Variants in COX5A observed in about 807,000 individuals in gnomAD.
The protein encoded by COX5A is cytochrome c oxidase subunit 5A.
In COX5A, 6 loss-of-function variants were observed where a neutral mutation model predicts 16.1. The ratio of observed to expected loss-of-function variants is 0.37; its 90% CI spans 0.20 to 0.73. COX5A has a LOEUF of 0.73. COX5A is among the 30% of genes least tolerant of loss of function. The pLI, the probability that COX5A is intolerant of heterozygous loss-of-function variation, is 0.50. For missense variants in COX5A, 159 were observed against 194.9 expected, an observed-to-expected ratio of 0.82 and a Z score of 1.10; for synonymous variants, 73 against 73.8, an observed-to-expected ratio of 0.99 and a Z score of 0.06.
At chr15:74,926,059 A>G (rs2065341779) in intron 3 of COX5A, among the ~76,000 whole-genome samples, 1 of 84,462 alleles carries the variant, frequency 1.2e-5, no homozygotes, top group Non-Finnish European at 2.2e-5. Flanking sequence ...TTTTTTTTTG[A>G]GACAGAGTCT....
chr15:74,925,870 C>G (rs1191901380), intron 3 of COX5A, among the ~76,000 whole-genome samples: 1 of 140,696 alleles, frequency 7.1e-6, no homozygotes, highest in Non-Finnish European at 1.6e-5. Context: ...AAATTCCTTT[C>G]TTTTTTTTTT....
At chr15:74,921,128 C>G (rs964889133) in intron 4 of COX5A, among the ~76,000 whole-genome samples, 1 of 152,144 alleles carries the variant, frequency 6.6e-6, no homozygotes, top group African/African-American at 2.4e-5. Context: ...AACCACAGGG[C>G]TGGGCGCGGT....
rs538799409 is a variant in COX5A, at chr15:74,919,984, A to T, written c.*468T>A. Reference sequence around the variant, plus strand: ...AGACTATCTCAGTGACCACTTTTAAACATCATTAAAACCTGTTTTGGAAAG... The same window carrying T: ...AGACTATCTCAGTGACCACTTTTAATCATCATTAAAACCTGTTTTGGAAAG... On this transcript the variant is annotated 3_prime_UTR_variant, in exon 5 of 5. Transcript: ENST00000322347. The T allele has an allele frequency of 1.4e-4, 30 of 213,420 alleles. 2 individuals carry two copies. The South Asian group carries it at 2.4e-3, about 17-fold the overall frequency. 13.2% of individuals were successfully genotyped at this position (213,420 alleles called of 1,614,324 possible). A position where few individuals can be genotyped will look rare whatever the true frequency, so the allele number is the denominator to read the frequency against.
Position 74,923,672 on chromosome 15 carries a change from G to A in COX5A, c.438C>T (p.Gly146=). ...CCCATGCGGTTTACACTTTGTCAAG[G>A]CCCAGTTCCTCCGGAGTGGAGATTC... is the stretch of plus-strand genomic sequence containing the variant. ...ELGISTPEEL[G]LDKV The change falls in exon 4 of 5, where the codon GGC becomes GGT. Residue 146 remains glycine, a synonymous_variant. Transcript: ENST00000322347. The A allele has an allele frequency of 1.2e-6, 2 of 1,609,258 alleles. No homozygotes were observed. The highest frequency in any genetic ancestry group is 1.7e-6 in the Non-Finnish European group (2 of 1,177,392).
At chr15:74,936,779 A>G (rs765725169) in intron 1 of COX5A, among the ~76,000 whole-genome samples, 1 of 151,490 alleles carries the variant, frequency 6.6e-6, no homozygotes, top group Non-Finnish European at 1.5e-5. Context: ...GGCGCCCACC[A>G]CCACACCCAG....
At chr15:74,926,499 GAAAA>G (rs57676926) in intron 3 of COX5A, among the ~76,000 whole-genome samples, 1 of 127,654 alleles carries the variant, frequency 7.8e-6, no homozygotes, top group Non-Finnish European at 1.6e-5. Context: ...AAAAAAGAAA[GAAAA>G]AAAAAAAAGA....
At position 74,929,134 on chromosome 15, in the gene COX5A, C is replaced by T. The variant is rs751665674; in HGVS notation, c.199G>A (p.Ala67Thr). 7 of 1,611,596 alleles carry T rather than the reference C, an allele frequency of 4.3e-6. No individual in the cohort carries two copies. The East Asian group carries it at 1.6e-4, about 36-fold the overall frequency. The change falls in exon 2 of 5, where the codon GCC (alanine) becomes ACC (threonine). Residue 67 changes from alanine (A) to threonine (T), a missense_variant. Physicochemically the swap from Ala to Thr is moderately conservative, Grantham distance 58. Transcript: ENST00000322347. ...VTYFNKPDID[A>T]WELRKGINTL... ...CAATTACCTTTACGCAATTCCCAGG[C>T]ATCTATATCTGGCTTGTTGAAGTAT...
intron 1 of COX5A, among the ~76,000 whole-genome samples, chr15:74,936,951 C>G (rs2141275765): frequency 6.6e-6 from 1 of 152,154 alleles, no homozygotes; most frequent in South Asian, 2.1e-4. Flanking sequence ...TAATTTTTAA[C>G]TTCAGCATAC....
intron 4 of COX5A, among the ~76,000 whole-genome samples, chr15:74,920,796 G>A (rs145035850): frequency 2.5e-3 from 374 of 152,250 alleles, no homozygotes; most frequent in African/African-American, 8.6e-3. Context: ...TGGGCAACAC[G>A]GTGAAACCCC....
At chr15:74,934,446 TCAGCCTTCC>T (rs939353921) in intron 1 of COX5A, among the ~76,000 whole-genome samples, 5 of 151,816 alleles carry the variant, frequency 3.3e-5, no homozygotes, top group African/African-American at 1.2e-4. Context: ...TTCTCCTATC[TCAGCCTTCC>T]CAGCAGCTGG....
chr15:74,935,380 C>T (rs545903386), intron 1 of COX5A, among the ~76,000 whole-genome samples: 1 of 152,154 alleles, frequency 6.6e-6, no homozygotes, highest in South Asian at 2.1e-4. Flanking sequence ...CCTGTAATCC[C>T]AGCACTTTGG....
intron 1 of COX5A, 51 bp from the exon 2 acceptor site, chr15:74,929,283 T>G: frequency 7.7e-7 from 1 of 1,305,036 alleles, no homozygotes; most frequent in Non-Finnish European, 1.1e-6. Flanking sequence ...GTACTTGATA[T>G]ATTTTGTTCA....
intron 4 of COX5A, among the ~76,000 whole-genome samples, chr15:74,921,066 C>T (rs1162832896): frequency 4.6e-5 from 7 of 152,146 alleles, no homozygotes; most frequent in Admixed American, 2.6e-4. Context: ...TGGAATAATA[C>T]TTGATAAAAT....
Position 74,931,553 on chromosome 15 carries a change from ATTT to A in COX5A, c.101-2324_101-2322del, listed in dbSNP as rs200291956. Among the ~76,000 whole-genome samples the A allele has an allele frequency of 4.0e-3, 557 of 138,418 alleles. 3 individuals carry two copies. Among genetic ancestry groups the A allele is most frequent in the Non-Finnish European group, 6.4e-3 (408 of 64,022 alleles). The allele number at this position is 138,418 out of a possible 152,430, so 90.8% of individuals were successfully genotyped here. On this transcript the variant is annotated intron_variant, in intron 1 of 4. Coordinates refer to ENST00000322347, the MANE Select transcript of COX5A (RefSeq NM_004255.4). ...AGAGTACTGTATGAAAAGCATTTCC[ATTT>A]TTTTTTTTTTTTTTTGAGATCGAGT...
chr15:74,920,398 T>C lies in COX5A; in HGVS notation c.*54A>G, dbSNP rs762795187. ...TATCATCAGTATTTCCAGGTAACTGTTCACACTCAAGTAGCAATGTCAATA... is the reference window on the plus strand; with the variant it reads ...TATCATCAGTATTTCCAGGTAACTGCTCACACTCAAGTAGCAATGTCAATA... On this transcript the variant is annotated 3_prime_UTR_variant, in exon 5 of 5. Transcript: ENST00000322347. 9 of 695,500 alleles carry C rather than the reference T, an allele frequency of 1.3e-5. No homozygotes were observed. Among genetic ancestry groups the C allele is most frequent in the Non-Finnish European group, 2.4e-5 (9 of 382,570 alleles). 43.1% of individuals were successfully genotyped at this position (695,500 alleles called of 1,614,324 possible).
At chr15:74,922,866 A>T (rs879698897) in intron 4 of COX5A, among the ~76,000 whole-genome samples, 3 of 151,906 alleles carry the variant, frequency 2.0e-5, no homozygotes, top group Non-Finnish European at 4.4e-5. Flanking sequence ...AGGTTTCACC[A>T]TGCTGGTCTC....
At chr15:74,926,038 T>A (rs1413692940) in intron 3 of COX5A, among the ~76,000 whole-genome samples, 1 of 141,960 alleles carries the variant, frequency 7.0e-6, no homozygotes, top group Non-Finnish European at 1.5e-5. Flanking sequence ...GCTAATTTTT[T>A]TTTTTTTTTT....
chr15:74,931,774 G>A (rs910593521), intron 1 of COX5A, among the ~76,000 whole-genome samples: 2 of 151,950 alleles, frequency 1.3e-5, no homozygotes, highest in African/African-American at 4.8e-5. Flanking sequence ...GGCTGGTCTC[G>A]AACTCCTGAC....
In COX5A at chr15:74,920,150, A is replaced by T. The variant is rs2065314077; in HGVS notation, c.*302T>A. ...AAACATATTAATGAAGCTGATTTTC[A>T]TGTCAGATGGTTTCCAGAGAATTAA... On this transcript the variant is annotated 3_prime_UTR_variant, in exon 5 of 5. Coordinates refer to ENST00000322347, the MANE Select transcript of COX5A (RefSeq NM_004255.4). 2.0e-6 allele frequency: 1 copy of T among 498,810 alleles called. No individual in the cohort carries two copies. The highest frequency in any genetic ancestry group is 3.5e-6 in the Non-Finnish European group (1 of 289,572). 30.9% of individuals were successfully genotyped at this position (498,810 alleles called of 1,614,324 possible).
Sources: allele counts gnomAD v4.1 joint callset (sites outside exome capture counted in the v4.1 genomes callset), GRCh38; gene constraint gnomAD v4.1.1; transcripts MANE v1.5; gene names NCBI Gene and HGNC (gene_info 2026-07-23, HGNC 2026-07-21).